The following AK9 variants were observed in gnomAD, a reference collection of about 807,000 sequenced individuals.
AK9 encodes the protein adenylate kinase 9, also known as adenylate kinase domain containing 1.
Under a neutral mutation model 239.6 loss-of-function variants are expected in AK9, and 191 were observed. That is an observed-to-expected ratio of 0.80 (90% confidence interval 0.71 to 0.90). AK9 has a LOEUF of 0.90. Among genes scored for constraint, AK9 ranks in the 40% least tolerant of loss-of-function variants. AK9 has a pLI of 0.00. For synonymous variants in AK9, 689 were observed against 721.0 expected (o/e 0.96, Z 0.71); for missense variants, 1,995 against 2,214.7 (o/e 0.90, Z 1.99).
chr6:109,671,806 G>C (rs970105816), intron 5 of AK9, 113 bp downstream of exon 5: 1 of 800,660 alleles, frequency 1.2e-6, no homozygotes, highest in Admixed American at 2.7e-5. Flanking sequence ...GAGATAATGA[G>C]ATTCTTATGC....
intron 29 of AK9, among the ~76,000 whole-genome samples, chr6:109,520,436 T>C (rs998785284): frequency 6.6e-6 from 1 of 152,110 alleles, no homozygotes; most frequent in Non-Finnish European, 1.5e-5. Flanking sequence ...TGTAGGTGTA[T>C]AGCTTTGTTT....
intron 17 of AK9, among the ~76,000 whole-genome samples, chr6:109,587,347 T>C (rs1789635999): frequency 6.6e-6 from 1 of 152,234 alleles, no homozygotes; most frequent in African/African-American, 2.4e-5. Context: ...TTATAATTTC[T>C]CCACCTCATT....
chr6:109,515,685 C>G (rs559047249), intron 31 of AK9, among the ~76,000 whole-genome samples, 172 bp downstream of exon 31: 25 of 152,208 alleles, frequency 1.6e-4, no homozygotes, highest in Admixed American at 3.3e-4. Flanking sequence ...AAAAGAAAAG[C>G]TGAAAGTTTA....
At chr6:109,518,052 G>C (rs900882698) in intron 29 of AK9, among the ~76,000 whole-genome samples, 19 of 152,218 alleles carry the variant, frequency 1.2e-4, no homozygotes, top group African/African-American at 4.6e-4. Flanking sequence ...CCTCTCCACT[G>C]TCTGCCTTCA....
intron 1 of AK9, among the ~76,000 whole-genome samples, chr6:109,689,876 G>C (rs1449920666): frequency 6.6e-6 from 1 of 152,076 alleles, no homozygotes. Context: ...CAGAAGAGTT[G>C]GTTTCATTAT....
chr6:109,619,666 G>C (rs1015926627), intron 12 of AK9, among the ~76,000 whole-genome samples: 11 of 152,122 alleles, frequency 7.2e-5, no homozygotes, highest in Admixed American at 7.2e-4. Flanking sequence ...CATTTGCCGG[G>C]TGTGGTGGCT....
intron 17 of AK9, among the ~76,000 whole-genome samples, chr6:109,606,953 A>T (rs547925142): frequency 6.6e-5 from 10 of 152,342 alleles, no homozygotes; most frequent in African/African-American, 1.4e-4. Flanking sequence ...AAAATTATTT[A>T]AAAAATGCTT....
chr6:109,671,890 G>A (rs543084986), intron 5 of AK9, 29 bp downstream of exon 5: 1 of 1,594,954 alleles, frequency 6.3e-7, no homozygotes, highest in Non-Finnish European at 8.6e-7. Context: ...GCTGCTTTGT[G>A]GGCTGTAAAT....
intron 25 of AK9, among the ~76,000 whole-genome samples, chr6:109,549,240 C>T (rs1401123838): frequency 6.6e-6 from 1 of 152,210 alleles, no homozygotes; most frequent in African/African-American, 2.4e-5. Context: ...TGCAATCCAA[C>T]CAACCAGTGT....
At chr6:109,587,366 T>C (rs1328653536) in intron 17 of AK9, among the ~76,000 whole-genome samples, 3 of 152,174 alleles carry the variant, frequency 2.0e-5, no homozygotes, top group Non-Finnish European at 4.4e-5. Context: ...TTCAACTTTA[T>C]TTATTTGTTG....
Position 109,550,312 on chromosome 6 carries a change from G to T in AK9, c.2752-10C>A. 1 of 1,595,076 alleles carries T rather than the reference G, an allele frequency of 6.3e-7. No homozygotes were observed. The highest frequency in any genetic ancestry group is 8.5e-7 in the Non-Finnish European group (1 of 1,175,616). On this transcript the variant is annotated splice_polypyrimidine_tract_variant and intron_variant, in intron 24 of 40. Transcript: ENST00000424296. ...TCATTTTATCTTCACCCTAGAAACG[G>T]TATTCAAAGTTTGGAGAACATTAAA...
intron 29 of AK9, among the ~76,000 whole-genome samples, chr6:109,525,407 T>C (rs2128126461): frequency 6.6e-6 from 1 of 152,284 alleles, no homozygotes; most frequent in East Asian, 1.9e-4. Context: ...ATTTGCAAAC[T>C]ATGCGTACAA....
intron 13 of AK9, among the ~76,000 whole-genome samples, chr6:109,615,257 G>GC (rs1050809777): frequency 1.0e-5 from 1 of 99,264 alleles, no homozygotes; most frequent in Non-Finnish European, 2.1e-5. Context: ...TGTTCCCTTG[G>GC]CTTTTTTTTT....
At chr6:109,502,957 A>ATGTGTGTG (rs58542655) in intron 35 of AK9, among the ~76,000 whole-genome samples, 1,727 of 145,484 alleles carry the variant, frequency 0.012, 37 homozygotes, top group African/African-American at 0.039. Flanking sequence ...CAGGAACGGT[A>ATGTGTGTG]TGTGTGTGTG....
chr6:109,561,236 G>A (rs953369755), intron 24 of AK9, among the ~76,000 whole-genome samples: 3 of 152,256 alleles, frequency 2.0e-5, no homozygotes, highest in Non-Finnish European at 2.9e-5. Flanking sequence ...ACAGGCGTGA[G>A]CCACCATGCC....
intron 27 of AK9, among the ~76,000 whole-genome samples, chr6:109,538,863 A>G (rs574844048): frequency 3.9e-4 from 59 of 152,250 alleles, no homozygotes; most frequent in Admixed American, 1.3e-3. Flanking sequence ...TTCAGTTATG[A>G]AGCTTAGTTT....
At chr6:109,585,856 A>T in intron 18 of AK9, 60 bp downstream of exon 18, 1 of 1,464,284 alleles carries the variant, frequency 6.8e-7, no homozygotes, top group Non-Finnish European at 9.2e-7. Flanking sequence ...TTCTATATTT[A>T]ACCAAAAATA....
chr6:109,542,876 T>A (rs1783075140), intron 26 of AK9, among the ~76,000 whole-genome samples: 1 of 152,214 alleles, frequency 6.6e-6, no homozygotes, highest in South Asian at 2.1e-4. Context: ...TAAGATAAAT[T>A]ATAAGTAATA....
At chr6:109,594,654 A>C (rs1790764808) in intron 17 of AK9, among the ~76,000 whole-genome samples, 1 of 152,230 alleles carries the variant, frequency 6.6e-6, no homozygotes, top group African/African-American at 2.4e-5. Context: ...TACTGGTACC[A>C]AAACAGATAT....
Sources: gnomAD v4.1 joint callset for allele counts (sites outside exome capture counted in the v4.1 genomes callset) on GRCh38, gnomAD v4.1.1 for gene constraint, MANE v1.5 for transcripts, NCBI Gene and HGNC (gene_info 2026-07-23, HGNC 2026-07-21) for gene names.